Variants in KDM4C observed in about 807,000 individuals in gnomAD.
The protein encoded by KDM4C is lysine demethylase 4C.
KDM4C carries 81 observed loss-of-function variants against 129.3 expected under a neutral mutation model. That is an observed-to-expected ratio of 0.63 (90% confidence interval 0.52 to 0.75). KDM4C has a LOEUF of 0.75. Among genes scored for constraint, KDM4C ranks in the 30% least tolerant of loss-of-function variants. KDM4C has a pLI of 0.00. For missense variants in KDM4C, 1,457 were observed against 1,304.0 expected (o/e 1.12, Z -1.81); for synonymous variants, 573 against 456.1 (o/e 1.26, Z -3.26).
intron 15 of KDM4C, among the ~76,000 whole-genome samples, chr9:7,022,351 A>T (rs1825017748): frequency 6.6e-6 from 1 of 151,904 alleles, no homozygotes; most frequent in Non-Finnish European, 1.5e-5. Flanking sequence ...TATAGTTTTC[A>T]TTGTAGAGAT....
chr9:7,039,749 G>T (rs1025706575), intron 15 of KDM4C, among the ~76,000 whole-genome samples: 3 of 151,998 alleles, frequency 2.0e-5, no homozygotes, highest in Non-Finnish European at 1.5e-5. Context: ...TCATTGAGTG[G>T]ATCATCATAA....
intron 4 of KDM4C, among the ~76,000 whole-genome samples, chr9:6,823,677 G>C (rs1340430573): frequency 2.6e-5 from 4 of 152,122 alleles, no homozygotes; most frequent in African/African-American, 9.7e-5. Context: ...GATAATCATT[G>C]GTCTCCTACC....
chr9:7,018,905 T>C (rs917804771), intron 15 of KDM4C, among the ~76,000 whole-genome samples: 1 of 152,246 alleles, frequency 6.6e-6, no homozygotes, highest in African/African-American at 2.4e-5. Context: ...ATTGAAACTA[T>C]GTAAATCTCT....
At chr9:6,800,214 A>T (rs1828674383) in intron 2 of KDM4C, among the ~76,000 whole-genome samples, 1 of 152,072 alleles carries the variant, frequency 6.6e-6, no homozygotes, top group South Asian at 2.1e-4. Context: ...TAAAAATACA[A>T]AAATTAGTCG....
At chr9:6,805,489 G>A (rs1236109343) in intron 2 of KDM4C, 110 bp from the exon 3 acceptor site, 1 of 457,640 alleles carries the variant, frequency 2.2e-6, no homozygotes, top group African/African-American at 2.2e-5. Flanking sequence ...TTACACATTT[G>A]TCATAGAGAT....
intron 4 of KDM4C, among the ~76,000 whole-genome samples, chr9:6,843,497 T>C (rs887383678): frequency 6.6e-6 from 1 of 152,228 alleles, no homozygotes; most frequent in African/African-American, 2.4e-5. Flanking sequence ...TAATGTATTT[T>C]CTTGAAAACA....
intron 4 of KDM4C, among the ~76,000 whole-genome samples, chr9:6,838,308 C>G (rs1301159380): frequency 1.3e-5 from 2 of 152,190 alleles, no homozygotes; most frequent in African/African-American, 2.4e-5. Context: ...CGCTATCTCT[C>G]TGCAGTGTTG....
In KDM4C at chr9:7,166,232, G is replaced by C. The variant is rs981925162; in HGVS notation, c.2901+875G>C. On this transcript the variant is annotated intron_variant, in intron 20 of 21. Transcript: ENST00000381309. ...TTGAAAAACAGCTTGAGAATGATAA[G>C]ACTGTCAGTTTCAACAGAGAAATTG... Among the ~76,000 whole-genome samples the C allele has an allele frequency of 3.3e-5, 5 of 152,326 alleles. No individual in the cohort carries two copies. In the East Asian group the frequency reaches 9.6e-4, roughly 29 times the overall value.
intron 5 of KDM4C, among the ~76,000 whole-genome samples, chr9:6,852,899 G>T (rs1218236525): frequency 1.3e-5 from 2 of 152,014 alleles, no homozygotes; most frequent in African/African-American, 4.8e-5. Context: ...TTTAGACATT[G>T]TTTTGGCATC....
chr9:7,005,985 G>A (rs1821596814), intron 12 of KDM4C, among the ~76,000 whole-genome samples: 1 of 152,192 alleles, frequency 6.6e-6, no homozygotes, highest in Non-Finnish European at 1.5e-5. Context: ...ATTTTCTAGT[G>A]TGACTTTTTA....
At chr9:7,125,716 C>A (rs1839964759) in intron 18 of KDM4C, among the ~76,000 whole-genome samples, 1 of 152,160 alleles carries the variant, frequency 6.6e-6, no homozygotes, top group African/African-American at 2.4e-5. Flanking sequence ...CAAGAAAAGA[C>A]TGGGGTTTAA....
At chr9:6,923,024 TA>T (rs1308536537) in intron 8 of KDM4C, among the ~76,000 whole-genome samples, 53 of 152,342 alleles carry the variant, frequency 3.5e-4, no homozygotes, top group Admixed American at 1.5e-3. Context: ...TGTTTTGTCA[TA>T]TGCTTTAGAT....
Position 6,780,449 on chromosome 9 carries a change from T to C in KDM4C, c.-17-12523T>C, listed in dbSNP as rs892639830. On this transcript the variant is annotated intron_variant, in intron 1 of 21. Coordinates refer to ENST00000381309, the MANE Select transcript of KDM4C (RefSeq NM_015061.6). ...AAGTATCCTAATTCTCATACTGTTA[T>C]TAAAAACAAACCCACAAAAAAACGA... Among the ~76,000 whole-genome samples the C allele has an allele frequency of 2.0e-5, 3 of 151,842 alleles. No homozygotes were observed. In the South Asian group the frequency reaches 6.3e-4, roughly 32 times the overall value.
intron 2 of KDM4C, among the ~76,000 whole-genome samples, chr9:6,797,186 T>C (rs1191448090): frequency 6.6e-6 from 1 of 152,022 alleles, no homozygotes; most frequent in Non-Finnish European, 1.5e-5. Context: ...TGGGGTCTGC[T>C]GTGTTACCCA....
intron 5 of KDM4C, among the ~76,000 whole-genome samples, chr9:6,867,667 A>G (rs1842250329): frequency 6.6e-6 from 1 of 152,164 alleles, no homozygotes; most frequent in Admixed American, 6.5e-5. Flanking sequence ...TTGGTAATTT[A>G]TGATTTTATA....
rs533622843 is a variant in KDM4C at position 6,834,000 on chromosome 9, C to G, written c.436-15507C>G. Among the ~76,000 whole-genome samples, 4 of 148,188 alleles carry G rather than the reference C, an allele frequency of 2.7e-5. No homozygotes were observed. The East Asian group carries it at 6.0e-4, about 22-fold the overall frequency. On this transcript the variant is annotated intron_variant, in intron 4 of 21. Coordinates refer to ENST00000381309, the MANE Select transcript of KDM4C (RefSeq NM_015061.6). The stretch of plus-strand genomic sequence containing the variant: ...CAGTAAGATCCTGCCGTGTGTGGTG[C>G]CAGGACAGAAGTGGCCTCATGGGAT...
intron 8 of KDM4C, among the ~76,000 whole-genome samples, chr9:6,915,439 T>TGCCACTTTGAGGTTC (rs1820129263): frequency 6.6e-6 from 1 of 151,638 alleles, no homozygotes; most frequent in African/African-American, 2.4e-5. Context: ...TGGAGATGCC[T>TGCCACTTTGAGGTTC]GCCACTTTGA....
intron 19 of KDM4C, among the ~76,000 whole-genome samples, chr9:7,158,166 A>T (rs1220664313): frequency 6.6e-6 from 1 of 152,034 alleles, no homozygotes; most frequent in Non-Finnish European, 1.5e-5. Flanking sequence ...TTATTCTCTG[A>T]TGGTAGTATT....
chr9:7,028,436 A>G (rs1044378203), intron 15 of KDM4C, among the ~76,000 whole-genome samples: 1 of 151,696 alleles, frequency 6.6e-6, no homozygotes, highest in Non-Finnish European at 1.5e-5. Flanking sequence ...GCCATGTCCT[A>G]CAGTGGGTGA....
Sources: allele counts gnomAD v4.1 joint callset (sites outside exome capture counted in the v4.1 genomes callset), GRCh38; gene constraint gnomAD v4.1.1; transcripts MANE v1.5; gene names NCBI Gene and HGNC (gene_info 2026-07-23, HGNC 2026-07-21).